The following FAM81A variants were observed in gnomAD, a reference collection of about 807,000 sequenced individuals.
FAM81A encodes the protein protein FAM81A.
A neutral mutation model predicts 46.7 loss-of-function variants in FAM81A; 19 were observed. The observed-to-expected ratio is 0.41, with a 90% CI of 0.28 to 0.60. The LOEUF is 0.60. FAM81A is among the 20% of genes least tolerant of loss of function. The pLI, the probability that FAM81A is intolerant of heterozygous loss-of-function variation, is 0.34. For missense variants in FAM81A, 377 were observed against 453.5 expected (o/e 0.83, Z 1.53); for synonymous variants, 183 against 152.9 (o/e 1.20, Z -1.45).
chr15:59,450,509 C>T (rs1415677713), intron 1 of FAM81A, among the ~76,000 whole-genome samples: 1 of 152,124 alleles, frequency 6.6e-6, no homozygotes, highest in Non-Finnish European at 1.5e-5. Flanking sequence ...AGTATCAATT[C>T]ACACTCCCAT....
chr15:59,441,694 C>T (rs2081299124), intron 1 of FAM81A, among the ~76,000 whole-genome samples: 1 of 152,246 alleles, frequency 6.6e-6, no homozygotes, highest in African/African-American at 2.4e-5. Flanking sequence ...CCCTGCGTCT[C>T]CTGGCAGCAG....
At chr15:59,418,073 C>T (rs550804292) in intron 2 of FAM81A, among the ~76,000 whole-genome samples, 7 of 152,272 alleles carry the variant, frequency 4.6e-5, no homozygotes, top group Middle Eastern at 3.4e-3. Flanking sequence ...TTTCCAGTTT[C>T]ATCCATATCC....
At chr15:59,438,131 C>G (rs1476329999), upstream of FAM81A, 1 of 146,094 alleles carries the variant, frequency 6.8e-6, no homozygotes. Flanking sequence ...GGCCGCGCGC[C>G]GGGCCAGGCG....
intron 2 of FAM81A, among the ~76,000 whole-genome samples, chr15:59,425,055 A>T (rs961453063): frequency 2.0e-5 from 3 of 151,986 alleles, no homozygotes; most frequent in Non-Finnish European, 2.9e-5. Context: ...TTTTAATTTT[A>T]ATTTTATTTT....
intron 1 of FAM81A, among the ~76,000 whole-genome samples, chr15:59,451,252 C>T (rs912514940): frequency 6.6e-6 from 1 of 152,088 alleles, no homozygotes; most frequent in South Asian, 2.1e-4. Flanking sequence ...CTTGTGTTTG[C>T]CGATTCCTGT....
chr15:59,501,959 G>T (rs920130112), intron 4 of FAM81A, among the ~76,000 whole-genome samples: 2 of 151,828 alleles, frequency 1.3e-5, no homozygotes, highest in East Asian at 1.9e-4. Context: ...TTGATTTAAC[G>T]CTAGATGAAA....
rs1220412246 is a variant in FAM81A at position 59,441,941 on chromosome 15, C to G, written c.-78+3659C>G. Among the ~76,000 whole-genome samples, 7 of 152,228 alleles carry G rather than the reference C, an allele frequency of 4.6e-5. 1 individual carries two copies. The highest frequency in any genetic ancestry group is 7.3e-5 in the Non-Finnish European group (5 of 68,054). ...CTTTCCCCGCGCCTCACTGGGCGCC[C>G]TCGCCCACTTGTACTACTTCCTCTA... On this transcript the variant is annotated intron_variant, in intron 1 of 8. Coordinates refer to ENST00000288228, the MANE Select transcript of FAM81A (RefSeq NM_152450.3).
chr15:59,421,059 G>C (rs1429567314), intron 2 of FAM81A, among the ~76,000 whole-genome samples: 1 of 152,176 alleles, frequency 6.6e-6, no homozygotes, highest in African/African-American at 2.4e-5. Flanking sequence ...TGTTCTGGTG[G>C]GGTCACGTTC....
chr15:59,515,950 A>T (rs563226897), intron 7 of FAM81A, among the ~76,000 whole-genome samples: 1 of 152,270 alleles, frequency 6.6e-6, no homozygotes, highest in South Asian at 2.1e-4. Context: ...CTTTTTGCCA[A>T]CCCTAGAGTG....
chr15:59,492,244 T>G, intron 3 of FAM81A, 27 bp from the exon 4 acceptor site: 1 of 1,536,080 alleles, frequency 6.5e-7, no homozygotes, highest in Non-Finnish European at 9.0e-7. Context: ...CTTAGATGAC[T>G]CCCTTAGTGT....
At chr15:59,502,674 C>T (rs139967287) in intron 4 of FAM81A, among the ~76,000 whole-genome samples, 373 of 151,908 alleles carry the variant, frequency 2.5e-3, no homozygotes, top group African/African-American at 8.4e-3. Context: ...CCACCACGCC[C>T]GGCTAATTTT....
At chr15:59,438,971 C>T (rs1391200016) in intron 1 of FAM81A, 1 of 152,170 alleles carries the variant, frequency 6.6e-6, no homozygotes, top group African/African-American at 2.4e-5. Flanking sequence ...ATTAATGCTC[C>T]TAAGTTCTTC....
intron 1 of FAM81A, among the ~76,000 whole-genome samples, chr15:59,447,428 G>C (rs1363391557): frequency 6.6e-6 from 1 of 152,204 alleles, no homozygotes; most frequent in Non-Finnish European, 1.5e-5. Context: ...TTTCTTCCAA[G>C]GACTGCTCAG....
In FAM81A at chr15:59,523,000, G is replaced by T. The variant is rs1280916151; in HGVS notation, c.*1622G>T. 1 of 152,306 alleles carries T rather than the reference G, an allele frequency of 6.6e-6. No individual in the cohort carries two copies. The highest frequency in any genetic ancestry group is 1.5e-5 in the Non-Finnish European group (1 of 68,042). The allele number at this position is 152,306 out of a possible 1,614,324, so 9.4% of individuals were successfully genotyped here. A position where few individuals can be genotyped will look rare whatever the true frequency, so the allele number is the denominator to read the frequency against. On this transcript the variant is annotated 3_prime_UTR_variant, in exon 9 of 9. Coordinates refer to ENST00000288228, the MANE Select transcript of FAM81A (RefSeq NM_152450.3). ...GAATGCTGTTTTGCAATCAGAAAGT[G>T]AATTTCTTTTGTGGTAGCGTACACG...
chr15:59,411,827 TC>T (rs1411176615), intron 2 of FAM81A, among the ~76,000 whole-genome samples: 2 of 150,570 alleles, frequency 1.3e-5, no homozygotes, highest in Non-Finnish European at 3.0e-5. Flanking sequence ...GGCAGGAGAG[TC>T]CCTTGAACCC....
At chr15:59,416,978 C>T (rs1333552353) in intron 2 of FAM81A, among the ~76,000 whole-genome samples, 1 of 152,018 alleles carries the variant, frequency 6.6e-6, no homozygotes, top group African/African-American at 2.4e-5. Context: ...AGTCCCCATC[C>T]TAGACTTGTG....
At chr15:59,510,626 A>G (rs1400868822) in intron 6 of FAM81A, among the ~76,000 whole-genome samples, 2 of 151,852 alleles carry the variant, frequency 1.3e-5, no homozygotes, top group African/African-American at 4.8e-5. Context: ...TAAGAACTCA[A>G]AGTTAGCTGG....
intron 2 of FAM81A, among the ~76,000 whole-genome samples, chr15:59,421,785 A>C (rs1397884194): frequency 2.7e-5 from 4 of 148,544 alleles, no homozygotes; most frequent in Non-Finnish European, 4.4e-5. Context: ...CTATCTATCT[A>C]TCTATCTACC....
intron 3 of FAM81A, among the ~76,000 whole-genome samples, chr15:59,483,220 T>C (rs2081876268): frequency 6.6e-6 from 1 of 152,060 alleles, no homozygotes; most frequent in Non-Finnish European, 1.5e-5. Context: ...GTATTTTTAG[T>C]AGAGACGGGG....
Sources: gnomAD v4.1 joint callset for allele counts (sites outside exome capture counted in the v4.1 genomes callset) on GRCh38, gnomAD v4.1.1 for gene constraint, MANE v1.5 for transcripts, NCBI Gene and HGNC (gene_info 2026-07-23, HGNC 2026-07-21) for gene names.